Variants in PPA2 observed in about 807,000 individuals in gnomAD.
PPA2 encodes inorganic pyrophosphatase 2.
Under a neutral mutation model 49.5 loss-of-function variants are expected in PPA2, and 48 were observed. The observed-to-expected ratio is 0.97, with a 90% CI of 0.77 to 1.23. PPA2 has a LOEUF of 1.23. Among genes scored for constraint, PPA2 ranks in the 50% most tolerant of loss-of-function variants. The pLI is 0.00. For synonymous variants in PPA2, 131 were observed against 139.9 expected (o/e 0.94, Z 0.45); for missense variants, 429 against 410.1 (o/e 1.05, Z -0.40).
At chr4:105,369,923 T>C (rs1024096165) in intron 11 of PPA2, among the ~76,000 whole-genome samples, 170 bp from the exon 12 acceptor site, 1 of 152,256 alleles carries the variant, frequency 6.6e-6, no homozygotes, top group Non-Finnish European at 1.5e-5. Flanking sequence ...CTTCAAACTT[T>C]CGTCCCAAGT....
chr4:105,469,292 G>C (rs1315578743), intron 1 of PPA2, among the ~76,000 whole-genome samples: 2 of 152,124 alleles, frequency 1.3e-5, no homozygotes, highest in African/African-American at 4.8e-5. Context: ...GCCAAACAGT[G>C]GTCAAAATTC....
intron 7 of PPA2, among the ~76,000 whole-genome samples, chr4:105,421,335 G>A (rs1457785589): frequency 6.6e-6 from 1 of 152,112 alleles, no homozygotes; most frequent in African/African-American, 2.4e-5. Flanking sequence ...AAAAACATCT[G>A]TGATAAGATC....
At chr4:105,389,286 G>A (rs1331590516) in intron 9 of PPA2, among the ~76,000 whole-genome samples, 2 of 151,680 alleles carry the variant, frequency 1.3e-5, no homozygotes, top group African/African-American at 2.4e-5. Flanking sequence ...TCTTCTAGAC[G>A]CTGGAGACAC....
At chr4:105,383,169 A>G (rs1408703252) in intron 10 of PPA2, among the ~76,000 whole-genome samples, 2 of 152,200 alleles carry the variant, frequency 1.3e-5, no homozygotes, top group Non-Finnish European at 2.9e-5. Flanking sequence ...TGATACAGTC[A>G]TGCTTTTTGT....
chr4:105,409,594 G>C (rs1443558718), intron 7 of PPA2, among the ~76,000 whole-genome samples: 4 of 152,172 alleles, frequency 2.6e-5, no homozygotes, highest in African/African-American at 9.7e-5. Context: ...TTCTCAAGTG[G>C]GTCCCTGACC....
chr4:105,402,990 T>G (rs1722285826), intron 7 of PPA2, among the ~76,000 whole-genome samples: 1 of 151,696 alleles, frequency 6.6e-6, no homozygotes. Flanking sequence ...TTTCTTTTTC[T>G]TTCCTCTTTT....
At chr4:105,449,499 C>A in intron 3 of PPA2, 96 bp from the exon 4 acceptor site, 1 of 694,956 alleles carries the variant, frequency 1.4e-6, no homozygotes, top group Non-Finnish European at 2.3e-6. Flanking sequence ...ATGTTTTCCC[C>A]CGACAAAAAA....
chr4:105,370,430 A>G, intron 11 of PPA2: 1 of 224,446 alleles, frequency 4.5e-6, no homozygotes, highest in Non-Finnish European at 7.4e-6. Context: ...TAAAAATATT[A>G]TATTTATTTT....
chr4:105,443,185 T>C (rs1724444695), intron 5 of PPA2, among the ~76,000 whole-genome samples: 2 of 151,916 alleles, frequency 1.3e-5, no homozygotes, highest in African/African-American at 4.8e-5. Flanking sequence ...TAAAGGATGA[T>C]TGGCAGATAC....
chr4:105,470,539 A>C (rs1301636356), intron 1 of PPA2, among the ~76,000 whole-genome samples: 1 of 151,752 alleles, frequency 6.6e-6, no homozygotes, highest in Non-Finnish European at 1.5e-5. Context: ...CAACAACAAC[A>C]AAAAACCTTC....
At chr4:105,415,239 G>A (rs1246240776) in intron 7 of PPA2, among the ~76,000 whole-genome samples, 1 of 152,144 alleles carries the variant, frequency 6.6e-6, no homozygotes, top group Non-Finnish European at 1.5e-5. Context: ...ACCTCTTTCC[G>A]CCCAGGAGCC....
At chr4:105,416,711 G>A (rs1369585984) in intron 7 of PPA2, among the ~76,000 whole-genome samples, 1 of 152,182 alleles carries the variant, frequency 6.6e-6, no homozygotes, top group Admixed American at 6.5e-5. Context: ...TGCTTACTCA[G>A]AATCTCTAAA....
At chr4:105,472,774 TCA>T (rs1723577150) in intron 1 of PPA2, among the ~76,000 whole-genome samples, 1 of 152,192 alleles carries the variant, frequency 6.6e-6, no homozygotes, top group Admixed American at 6.5e-5. Flanking sequence ...GACCCTAAAC[TCA>T]TGTAGCATAA....
chr4:105,451,234 C>T (rs2110309327), intron 3 of PPA2, among the ~76,000 whole-genome samples: 1 of 152,250 alleles, frequency 6.6e-6, no homozygotes, highest in African/African-American at 2.4e-5. Flanking sequence ...AAGAGTATCA[C>T]AGAGGTTTTC....
chr4:105,428,269 T>C (rs1005315464), intron 6 of PPA2, among the ~76,000 whole-genome samples: 4 of 152,140 alleles, frequency 2.6e-5, no homozygotes, highest in African/African-American at 9.7e-5. Context: ...AGATGATCGA[T>C]GCTATGAAGA....
At chr4:105,462,079 T>C (rs1723115817) in intron 1 of PPA2, among the ~76,000 whole-genome samples, 1 of 152,244 alleles carries the variant, frequency 6.6e-6, no homozygotes, top group South Asian at 2.1e-4. Flanking sequence ...CCTGATCCTC[T>C]ATAAAATGAA....
intron 7 of PPA2, 33 bp downstream of exon 7, chr4:105,424,163 T>G: frequency 6.3e-7 from 1 of 1,590,518 alleles, no homozygotes; most frequent in Non-Finnish European, 8.5e-7. Context: ...ACACACTAAT[T>G]TGCTTTCACT....
intron 1 of PPA2, among the ~76,000 whole-genome samples, chr4:105,471,569 T>A (rs1364486022): frequency 6.6e-6 from 1 of 152,056 alleles, no homozygotes; most frequent in African/African-American, 2.4e-5. Flanking sequence ...TACACTCATA[T>A]TTTTTTTGAA....
chr4:105,449,441 A>T, intron 3 of PPA2, 38 bp from the exon 4 acceptor site: 1 of 1,374,864 alleles, frequency 7.3e-7, no homozygotes, highest in African/African-American at 1.5e-5. Context: ...AACATTAAAA[A>T]TTTTACCTTT....
Sources: allele counts gnomAD v4.1 joint callset (sites outside exome capture counted in the v4.1 genomes callset), GRCh38; gene constraint gnomAD v4.1.1; transcripts MANE v1.5; gene names NCBI Gene and HGNC (gene_info 2026-07-23, HGNC 2026-07-21).